FBLN2: variants seen among roughly 807,000 people sequenced by gnomAD.
FBLN2 encodes fibulin 2, also known as fibulin-2.
A neutral mutation model predicts 123.7 loss-of-function variants in FBLN2; 81 were observed. The ratio of observed to expected loss-of-function variants is 0.65; its 90% CI spans 0.55 to 0.79. The LOEUF (loss-of-function observed/expected upper bound fraction) is 0.79. FBLN2 is among the 30% of genes least tolerant of loss of function. The pLI is 0.00. For synonymous variants in FBLN2, 699 were observed against 701.4 expected (o/e 1.00, Z 0.05); for missense variants, 1,603 against 1,681.3 (o/e 0.95, Z 0.81).
rs73818030 is a variant in FBLN2, at chr3:13,576,726, C to T, written c.1306+5065C>T. Among the ~76,000 whole-genome samples the T allele has an allele frequency of 3.2e-3, 480 of 151,990 alleles. 3 individuals are homozygous for T. Among genetic ancestry groups the T allele is most frequent in the Middle Eastern group, 0.014 (4 of 294 alleles). On this transcript the variant is annotated intron_variant, in intron 2 of 17. Transcript: ENST00000404922. ...GAAGGGGTGGTCAGGGGGATCCCCC[C>T]CCCCCGGGTTCACTCATTTATCCAC...
chr3:13,609,521 A>G lies in FBLN2; in HGVS notation c.1427A>G (p.Gln476Arg). The G allele has an allele frequency of 6.5e-7, 1 of 1,550,096 alleles. No individual in the cohort carries two copies. The highest frequency in any genetic ancestry group is 8.7e-7 in the Non-Finnish European group (1 of 1,146,518). ...GTEDNVCRTAQRHCCVSYLQE... is the reference protein window; with the variant it reads ...GTEDNVCRTARRHCCVSYLQE... Reference sequence around the variant, plus strand: ...TACCCCCTCTGTTTCAGGACAGCCCAGAGGCACTGCTGTGTCTCCTACTTG... The same window carrying G: ...TACCCCCTCTGTTTCAGGACAGCCCGGAGGCACTGCTGTGTCTCCTACTTG... Residue 476 changes from glutamine (Q) to arginine (R), a missense_variant, in exon 4 of 18, where the codon CAG becomes CGG. Physicochemically the swap from Gln to Arg is conservative, Grantham distance 43. Transcript: ENST00000404922.
intron 1 of FBLN2, among the ~76,000 whole-genome samples, chr3:13,567,460 C>G (rs756843591): frequency 1.4e-4 from 21 of 152,198 alleles, no homozygotes; most frequent in Non-Finnish European, 2.2e-4. Context: ...GGGGTTCAAG[C>G]AGTTCTCCTG....
intron 2 of FBLN2, among the ~76,000 whole-genome samples, chr3:13,601,433 G>A (rs1157754824): frequency 3.9e-5 from 6 of 152,214 alleles, no homozygotes; most frequent in Non-Finnish European, 5.9e-5. Context: ...GAATGGTGGC[G>A]TCACTCTCAG....
chr3:13,604,273 C>G (rs1402952343), intron 2 of FBLN2, among the ~76,000 whole-genome samples: 7 of 152,074 alleles, frequency 4.6e-5, no homozygotes, highest in African/African-American at 9.7e-5. Flanking sequence ...TTTTGTTACC[C>G]TTGCTTTTGG....
At chr3:13,554,372 C>A (rs60492194) in intron 1 of FBLN2, among the ~76,000 whole-genome samples, 28 of 152,236 alleles carry the variant, frequency 1.8e-4, no homozygotes, top group African/African-American at 6.8e-4. Context: ...CTGGGACCCC[C>A]ATCCTGGCCC....
chr3:13,614,326 C>T (rs959897100), intron 5 of FBLN2, among the ~76,000 whole-genome samples, 162 bp downstream of exon 5: 1 of 152,116 alleles, frequency 6.6e-6, no homozygotes, highest in African/African-American at 2.4e-5. Context: ...CTGTGGACTA[C>T]CCACTCCACC....
intron 17 of FBLN2, 22 bp downstream of exon 17, chr3:13,636,590 C>T: frequency 6.2e-7 from 1 of 1,610,788 alleles, no homozygotes; most frequent in East Asian, 2.2e-5. Flanking sequence ...CACCCCAGTC[C>T]CAGTCCCAGG....
At chr3:13,587,829 C>G (rs1470886744) in intron 2 of FBLN2, among the ~76,000 whole-genome samples, 1 of 152,240 alleles carries the variant, frequency 6.6e-6, no homozygotes, top group African/African-American at 2.4e-5. Flanking sequence ...TTGTCAACCA[C>G]AAAATGTTTA....
chr3:13,594,526 C>T (rs969987045), intron 2 of FBLN2, among the ~76,000 whole-genome samples: 1 of 152,186 alleles, frequency 6.6e-6, no homozygotes, highest in African/African-American at 2.4e-5. Flanking sequence ...CAAAATAAGC[C>T]TGTCGTTTAA....
chr3:13,608,159 G>A lies in FBLN2; in HGVS notation c.1404G>A (p.Glu468=), dbSNP rs1208977503. Residue 468 remains glutamate, a synonymous_variant, in exon 3 of 18, where the codon GAG becomes GAA. Transcript: ENST00000404922. ...ECLEIPESGT[E]DNVCRTAQRH... ...TGGAGATCCCTGAGAGTGGCACTGA[G>A]GACAACGTCTGCAGGTAGGGTGGGC... 3 of 1,588,852 alleles carry A rather than the reference G, an allele frequency of 1.9e-6. No homozygotes were observed. Among genetic ancestry groups the A allele is most frequent in the Non-Finnish European group, 2.6e-6 (3 of 1,167,676 alleles).
chr3:13,616,571 G>A (rs1260113451), intron 5 of FBLN2, among the ~76,000 whole-genome samples: 1 of 152,184 alleles, frequency 6.6e-6, no homozygotes, highest in Non-Finnish European at 1.5e-5. Flanking sequence ...GCAGCTTAAT[G>A]TAAACACCCT....
At position 13,638,353 on chromosome 3, in the gene FBLN2, TA is replaced by T. The variant is rs963143481; in HGVS notation, c.*435del. 2 of 287,988 alleles carry T rather than the reference TA, an allele frequency of 6.9e-6. No individual in the cohort carries two copies. The highest frequency in any genetic ancestry group is 2.3e-5 in the South Asian group (1 of 44,016). 17.8% of individuals were successfully genotyped at this position (287,988 alleles called of 1,614,324 possible). A position where few individuals can be genotyped will look rare whatever the true frequency, so the allele number is the denominator to read the frequency against. ...ACTATAAAGTAGTACATGTACATTA[TA>T]TAAAAAAAAGTTCAACTAGTATGAA... On this transcript the variant is annotated 3_prime_UTR_variant, in exon 18 of 18. Transcript: ENST00000404922.
chr3:13,616,295 T>G (rs988186857), intron 5 of FBLN2, among the ~76,000 whole-genome samples: 1 of 152,076 alleles, frequency 6.6e-6, no homozygotes, highest in Non-Finnish European at 1.5e-5. Context: ...GCTTCAAAAG[T>G]CAAAGGCAGG....
At chr3:13,582,632 G>A (rs1163392423) in intron 2 of FBLN2, among the ~76,000 whole-genome samples, 1 of 152,092 alleles carries the variant, frequency 6.6e-6, no homozygotes, top group African/African-American at 2.4e-5. Context: ...TGCCTCTGCC[G>A]CTCGTGGCTG....
At chr3:13,581,162 A>G (rs113368324) in intron 2 of FBLN2, among the ~76,000 whole-genome samples, 108 of 136,638 alleles carry the variant, frequency 7.9e-4, no homozygotes, top group African/African-American at 2.9e-3. Flanking sequence ...TTCCTGGGGG[A>G]TACGTGGTGC....
chr3:13,578,380 G>C lies in FBLN2; in HGVS notation c.1306+6719G>C, dbSNP rs114131887. Among the ~76,000 whole-genome samples, 88 of 152,234 alleles carry C rather than the reference G, an allele frequency of 5.8e-4. 1 individual carries two copies. The highest frequency in any genetic ancestry group is 1.9e-3 in the African/African-American group (77 of 41,558). On this transcript the variant is annotated intron_variant, in intron 2 of 17. Coordinates refer to ENST00000404922, the MANE Select transcript of FBLN2 (RefSeq NM_001004019.2). Reference sequence around the variant, plus strand: ...TCCCTCTTTCTCCCAGTCCCCGGTAGCCAGGAATCTTCCTTCTGAGTCTAT... The same window carrying C: ...TCCCTCTTTCTCCCAGTCCCCGGTACCCAGGAATCTTCCTTCTGAGTCTAT...
At position 13,570,583 on chromosome 3, in the gene FBLN2, T is replaced by C; in HGVS notation, c.228T>C (p.Gly76=). The C allele has an allele frequency of 6.3e-7, 1 of 1,584,024 alleles. No individual in the cohort carries two copies. Among genetic ancestry groups the C allele is most frequent in the Non-Finnish European group, 8.6e-7 (1 of 1,166,300 alleles). The change falls in exon 2 of 18, where the codon GGT becomes GGC. Residue 76 remains glycine (G), a synonymous_variant. Coordinates refer to ENST00000404922, the MANE Select transcript of FBLN2 (RefSeq NM_001004019.2). The part of the protein sequence containing the change: ...EGYQYYDCLQ[G]GFVRGRVPAG... ...ACCAGTACTATGACTGCCTACAGGGTGGCTTCGTGCGCGGCCGCGTGCCCG... is the reference window on the plus strand; with the variant it reads ...ACCAGTACTATGACTGCCTACAGGGCGGCTTCGTGCGCGGCCGCGTGCCCG...
chr3:13,568,846 A>C (rs779238374), intron 1 of FBLN2: 33 of 985,592 alleles, frequency 3.3e-5, no homozygotes, highest in Non-Finnish European at 4.0e-5. Flanking sequence ...TGAGGGTGTC[A>C]GTGCTGTGAG....
chr3:13,599,416 T>G (rs1704950806), intron 2 of FBLN2, among the ~76,000 whole-genome samples: 1 of 150,560 alleles, frequency 6.6e-6, no homozygotes, highest in Non-Finnish European at 1.5e-5. Context: ...GTAGAGAGAG[T>G]GAGTGGGAGA....
Sources: gnomAD v4.1 joint callset for allele counts (sites outside exome capture counted in the v4.1 genomes callset) on GRCh38, gnomAD v4.1.1 for gene constraint, MANE v1.5 for transcripts, NCBI Gene and HGNC (gene_info 2026-07-23, HGNC 2026-07-21) for gene names.